Variants in INTU observed in about 807,000 individuals in gnomAD.
The protein encoded by INTU is inturned planar cell polarity protein, also known as protein inturned.
INTU carries 68 observed loss-of-function variants against 100.5 expected under a neutral mutation model. That is an observed-to-expected ratio of 0.68 (90% CI 0.56 to 0.83). The LOEUF (loss-of-function observed/expected upper bound fraction) is 0.83, where lower values mean the gene tolerates loss of function less well. Among genes scored for constraint, INTU ranks in the 40% least tolerant of loss-of-function variants. The pLI is 0.00. For synonymous variants in INTU, 357 were observed against 395.7 expected (o/e 0.90, Z 1.16); for missense variants, 1,071 against 1,114.7 (o/e 0.96, Z 0.56).
rs1213392183 is a variant in INTU, at chr4:127,665,165, A to ATAC, written c.972+1592_972+1594dup. Among the ~76,000 whole-genome samples, 12 of 150,376 alleles carry ATAC rather than the reference A, an allele frequency of 8.0e-5. No homozygotes were observed. The Admixed American group carries it at 8.0e-4, about 10-fold the overall frequency. ...TCTCTTTTCTCCATCATCTATAATT[A>ATAC]TACTACTACTACTTATTATTATTAC... On this transcript the variant is annotated intron_variant, in intron 4 of 15. Coordinates refer to ENST00000335251, the MANE Select transcript of INTU (RefSeq NM_015693.4).
intron 9 of INTU, among the ~76,000 whole-genome samples, chr4:127,701,862 A>G (rs995803629): frequency 6.6e-6 from 1 of 152,188 alleles, no homozygotes; most frequent in African/African-American, 2.4e-5. Flanking sequence ...AAGTGGGAGG[A>G]GAATGTTAGC....
At chr4:127,669,234 C>T in intron 5 of INTU, 80 bp downstream of exon 5, 2 of 659,514 alleles carry the variant, frequency 3.0e-6, no homozygotes, top group Non-Finnish European at 5.4e-6. Context: ...AAACAAGTAT[C>T]TGGTATACAA....
intron 6 of INTU, among the ~76,000 whole-genome samples, chr4:127,679,498 T>C (rs572904295): frequency 1.3e-5 from 2 of 152,314 alleles, no homozygotes; most frequent in East Asian, 1.9e-4. Context: ...TCCTCCTGAA[T>C]GACTGCTGGG....
At chr4:127,654,079 A>C (rs1374222955) in intron 2 of INTU, among the ~76,000 whole-genome samples, 1 of 150,112 alleles carries the variant, frequency 6.7e-6, no homozygotes, top group Non-Finnish European at 1.5e-5. Flanking sequence ...TGCTTGGTAG[A>C]TCTTCCTCCA....
At chr4:127,686,364 T>C (rs1299103276) in intron 7 of INTU, 1 of 152,300 alleles carries the variant, frequency 6.6e-6, no homozygotes, top group Non-Finnish European at 1.5e-5. Context: ...TCTCACACAC[T>C]ACAGTAGCCT....
intron 1 of INTU, among the ~76,000 whole-genome samples, chr4:127,640,682 A>G (rs1727293526): frequency 6.7e-6 from 1 of 149,362 alleles, no homozygotes; most frequent in African/African-American, 2.5e-5. Flanking sequence ...TCAGTAGGTG[A>G]ATGACCAAAT....
At chr4:127,684,526 G>A in intron 7 of INTU, 40 bp downstream of exon 7, 1 of 1,142,480 alleles carries the variant, frequency 8.8e-7, no homozygotes, top group South Asian at 1.3e-5. Flanking sequence ...TTTTAATTAT[G>A]TGATTCTAAG....
chr4:127,651,160 T>A (rs1387392684), intron 2 of INTU, among the ~76,000 whole-genome samples: 1 of 151,976 alleles, frequency 6.6e-6, no homozygotes, highest in East Asian at 1.9e-4. Flanking sequence ...TTCTCCCATT[T>A]TGTAGGTTGC....
In INTU at chr4:127,716,594, A is replaced by T. The variant is rs1328148742; in HGVS notation, c.*158A>T. The stretch of plus-strand genomic sequence containing the variant: ...TTGAGATGAAATGCTGTTGGATTTG[A>T]TACATTAAATCTTAATGTAATATTG... On this transcript the variant is annotated 3_prime_UTR_variant, in exon 16 of 16. Transcript: ENST00000335251. The T allele has an allele frequency of 2.6e-6, 1 of 380,222 alleles. No homozygotes were observed. Among genetic ancestry groups the T allele is most frequent in the Non-Finnish European group, 4.7e-6 (1 of 213,184 alleles). The allele number at this position is 380,222 out of a possible 1,614,324, so 23.6% of individuals were successfully genotyped here.
intron 4 of INTU, among the ~76,000 whole-genome samples, chr4:127,663,959 A>G (rs994370783): frequency 9.2e-5 from 14 of 152,008 alleles, no homozygotes; most frequent in African/African-American, 3.4e-4. Flanking sequence ...CAATCTGATG[A>G]GTTTTGACAA....
intron 13 of INTU, among the ~76,000 whole-genome samples, chr4:127,710,185 G>A (rs1731042906): frequency 6.6e-6 from 1 of 151,882 alleles, no homozygotes; most frequent in Non-Finnish European, 1.5e-5. Flanking sequence ...TAAATCATAG[G>A]CTCTCCTATT....
intron 8 of INTU, among the ~76,000 whole-genome samples, chr4:127,692,977 A>G (rs1730219095): frequency 6.6e-6 from 1 of 152,042 alleles, no homozygotes. Context: ...CATTTTGGTG[A>G]CTGTGGCTTT....
chr4:127,654,672 A>C (rs57099570), intron 2 of INTU, among the ~76,000 whole-genome samples: 2,948 of 147,644 alleles, frequency 0.02, 87 homozygotes, highest in African/African-American at 0.065. Flanking sequence ...CCTTCATTTC[A>C]ACTTTGGTGA....
chr4:127,700,276 G>T (rs1327250743), intron 9 of INTU, among the ~76,000 whole-genome samples: 1 of 152,136 alleles, frequency 6.6e-6, no homozygotes, highest in African/African-American at 2.4e-5. Flanking sequence ...GATTAAAAAT[G>T]ATTAATTACA....
chr4:127,696,876 A>C (rs1730416278), intron 8 of INTU, among the ~76,000 whole-genome samples: 1 of 152,062 alleles, frequency 6.6e-6, no homozygotes, highest in South Asian at 2.1e-4. Context: ...ATAAGTTGTG[A>C]TTTCATTTTT....
At chr4:127,707,118 G>A (rs1229659708) in intron 12 of INTU, 149 bp downstream of exon 12, 1 of 993,842 alleles carries the variant, frequency 1.0e-6, no homozygotes, top group African/African-American at 1.6e-5. Context: ...CAATGATTTT[G>A]AACCAAAAAG....
rs2148725987 is a variant in INTU at position 127,700,290 on chromosome 4, G to C, written c.1503+227G>C. On this transcript the variant is annotated intron_variant, in intron 9 of 15. Transcript: ENST00000335251. ...GGATTAAAAATGATTAATTACACTG[G>C]TGTCACTGAGAACTAAGCTTTTGAG... Among the ~76,000 whole-genome samples, 3 of 152,216 alleles carry C rather than the reference G, an allele frequency of 2.0e-5. 1 individual carries two copies. In the South Asian group the frequency reaches 6.2e-4, roughly 32 times the overall value.
At position 127,722,172 on chromosome 4, in the gene INTU, T is replaced by G. The variant is rs777032777; in HGVS notation, c.*5736T>G. ...GTCTTTTTTGTTGATGTTGTTGCAT[T>G]CTGTTTTTCTTTAGTAGTCAGGCCC... On this transcript the variant is annotated 3_prime_UTR_variant, in exon 16 of 16. Coordinates refer to ENST00000335251, the MANE Select transcript of INTU (RefSeq NM_015693.4). 6.6e-5 allele frequency: 10 copies of G among 152,470 alleles called. No homozygotes were observed. Among genetic ancestry groups the G allele is most frequent in the Non-Finnish European group, 1.3e-4 (9 of 68,280 alleles). The allele number at this position is 152,470 out of a possible 1,614,324, so 9.4% of individuals were successfully genotyped here.
rs924649475 is a variant in INTU at position 127,658,436 on chromosome 4, T to C, written c.768+1715T>C. ...ACTTTAGTCACTAGATGTGGGGAGG[T>C]CCAACAGAGGGTACTAGGGTACTTC... On this transcript the variant is annotated intron_variant, in intron 3 of 15. Coordinates refer to ENST00000335251, the MANE Select transcript of INTU (RefSeq NM_015693.4). Among the ~76,000 whole-genome samples, 3 of 152,028 alleles carry C rather than the reference T, an allele frequency of 2.0e-5. No homozygotes were observed. In the South Asian group the frequency reaches 6.2e-4, roughly 32 times the overall value.
Sources: gnomAD v4.1 joint callset for allele counts (sites outside exome capture counted in the v4.1 genomes callset) on GRCh38, gnomAD v4.1.1 for gene constraint, MANE v1.5 for transcripts, NCBI Gene and HGNC (gene_info 2026-07-23, HGNC 2026-07-21) for gene names.